The following PDZRN3 variants were observed in gnomAD, a reference collection of about 807,000 sequenced individuals.
PDZRN3 encodes PDZ domain containing ring finger 3.
In PDZRN3, 38 loss-of-function variants were observed where a neutral mutation model predicts 85.7. The observed-to-expected ratio is 0.44, with a 90% CI of 0.34 to 0.58. The LOEUF is 0.58. Ranked by LOEUF, PDZRN3 falls within the 20% of genes least tolerant of loss-of-function variation. The pLI is 0.01. For synonymous variants in PDZRN3, 759 were observed against 638.0 expected (o/e 1.19, Z -2.86); for missense variants, 1,629 against 1,506.4 (o/e 1.08, Z -1.35).
At position 73,527,583 on chromosome 3, in the gene PDZRN3, A is replaced by G. The variant is rs185663299; in HGVS notation, c.918+74771T>C. ...GCTATTTCCAATTCCTAAATCTAGG[A>G]CATGAAAAAAAAAATCATACATTCT... On this transcript the variant is annotated intron_variant, in intron 3 of 9. Transcript: ENST00000263666. 5.5e-4 allele frequency among the ~76,000 whole-genome samples: 83 copies of G among 151,824 alleles called. No homozygotes were observed. In the East Asian group the frequency reaches 0.014, roughly 26 times the overall value.
At chr3:73,440,520 C>T (rs377722431) in intron 3 of PDZRN3, among the ~76,000 whole-genome samples, 13 of 152,160 alleles carry the variant, frequency 8.5e-5, no homozygotes, top group East Asian at 5.8e-4. Flanking sequence ...GCCTCACGGA[C>T]GCCCCGTGAG....
Position 73,624,219 on chromosome 3 carries a change from C to T in PDZRN3, c.607G>A (p.Ala203Thr). The T allele has an allele frequency of 6.7e-7, 1 of 1,486,550 alleles. No individual in the cohort carries two copies. Among genetic ancestry groups the T allele is most frequent in the Non-Finnish European group, 8.9e-7 (1 of 1,125,004 alleles). The allele number at this position is 1,486,550 out of a possible 1,614,324, so 92.1% of individuals were successfully genotyped here. A position where few individuals can be genotyped will look rare whatever the true frequency, so the allele number is the denominator to read the frequency against. Reference protein sequence around the residue: ...KREKSLVAQLAAAQLELQMTA... With the variant: ...KREKSLVAQLTAAQLELQMTA... ...ATCTGCAGCTCAAGCTGCGCCGCGGCCAGCTGGGCCACCAGCGACTTCTCG... is the reference window on the plus strand; with the variant it reads ...ATCTGCAGCTCAAGCTGCGCCGCGGTCAGCTGGGCCACCAGCGACTTCTCG... The change falls in exon 1 of 10, where the codon GCC (alanine) becomes ACC (threonine). Residue 203 changes from alanine (A) to threonine (T), a missense_variant. Transcript: ENST00000263666.
At chr3:73,562,361 T>C (rs1167821201) in intron 3 of PDZRN3, among the ~76,000 whole-genome samples, 1 of 152,198 alleles carries the variant, frequency 6.6e-6, no homozygotes, top group Non-Finnish European at 1.5e-5. Context: ...ATGGGCATGA[T>C]ATGCCTCTCT....
chr3:73,408,314 G>A (rs1701895463), intron 3 of PDZRN3: 1 of 660,610 alleles, frequency 1.5e-6, no homozygotes, highest in African/African-American at 1.8e-5. Context: ...GTTTAGATGA[G>A]ATAACTTACT....
Position 73,624,925 on chromosome 3 carries a change from C to T in PDZRN3, c.-100G>A, listed in dbSNP as rs578177563. ...GCCGGCTACGCCGCCCGCGCGCTCG[C>T]TGGCTCTCCCCGGACTGAGCCTAAT... is the stretch of plus-strand genomic sequence containing the variant. On this transcript the variant is annotated 5_prime_UTR_variant, in exon 1 of 10. Transcript: ENST00000263666. The T allele has an allele frequency of 4.2e-4, 393 of 927,068 alleles. No individual in the cohort carries two copies. The highest frequency in any genetic ancestry group is 2.8e-4 in the Non-Finnish European group (197 of 708,330). 57.4% of individuals were successfully genotyped at this position (927,068 alleles called of 1,614,324 possible).
intron 3 of PDZRN3, among the ~76,000 whole-genome samples, chr3:73,514,388 C>T (rs1428263326): frequency 6.6e-6 from 1 of 152,090 alleles, no homozygotes. Context: ...ACAGTTCTAT[C>T]AAGATTTTGG....
chr3:73,462,534 C>A (rs1188123061), intron 3 of PDZRN3, among the ~76,000 whole-genome samples: 1 of 118,086 alleles, frequency 8.5e-6, no homozygotes, highest in African/African-American at 2.9e-5. Context: ...ACAGGTGAGA[C>A]TCCGTCTCAA....
At chr3:73,463,357 G>GGA (rs1703146739) in intron 3 of PDZRN3, among the ~76,000 whole-genome samples, 1 of 152,208 alleles carries the variant, frequency 6.6e-6, no homozygotes, top group Admixed American at 6.5e-5. Flanking sequence ...TGAGATGACT[G>GGA]GAGACACTAG....
intron 3 of PDZRN3, among the ~76,000 whole-genome samples, chr3:73,438,463 C>T (rs960910278): frequency 3.3e-5 from 5 of 152,226 alleles, no homozygotes; most frequent in Non-Finnish European, 7.3e-5. Context: ...ACAGGTCTCA[C>T]CATGCTATGA....
intron 3 of PDZRN3, among the ~76,000 whole-genome samples, chr3:73,557,570 T>C (rs753356214): frequency 6.6e-6 from 1 of 152,204 alleles, no homozygotes; most frequent in Admixed American, 6.5e-5. Flanking sequence ...CTAACGGCCG[T>C]AAATAACAGA....
At chr3:73,434,909 T>G (rs1702502619) in intron 3 of PDZRN3, among the ~76,000 whole-genome samples, 1 of 152,212 alleles carries the variant, frequency 6.6e-6, no homozygotes, top group African/African-American at 2.4e-5. Flanking sequence ...TCTAAAAACT[T>G]TGTTTTTAAA....
chr3:73,473,628 T>G (rs564058344), intron 3 of PDZRN3, among the ~76,000 whole-genome samples: 1 of 152,318 alleles, frequency 6.6e-6, no homozygotes, highest in South Asian at 2.1e-4. Context: ...AAATTCAATC[T>G]TCACTATAAT....
intron 3 of PDZRN3, among the ~76,000 whole-genome samples, chr3:73,575,249 T>C (rs766331335): frequency 1.3e-5 from 2 of 152,118 alleles, no homozygotes; most frequent in Non-Finnish European, 2.9e-5. Context: ...AGTATGTGTG[T>C]TTTTTGCAGT....
At chr3:73,562,864 A>C (rs571287812) in intron 3 of PDZRN3, among the ~76,000 whole-genome samples, 1 of 151,342 alleles carries the variant, frequency 6.6e-6, no homozygotes, top group Admixed American at 6.6e-5. Flanking sequence ...ATCTCCTTTA[A>C]GTGATACTGT....
intron 3 of PDZRN3, among the ~76,000 whole-genome samples, chr3:73,489,863 C>T (rs542428557): frequency 1.3e-5 from 2 of 152,158 alleles, no homozygotes; most frequent in South Asian, 2.1e-4. Flanking sequence ...TGAGCCACCA[C>T]GCCCGGCCGG....
chr3:73,530,365 C>T (rs534777357), intron 3 of PDZRN3, among the ~76,000 whole-genome samples: 18 of 152,290 alleles, frequency 1.2e-4, no homozygotes, highest in Admixed American at 8.5e-4. Context: ...TGTACTGGCT[C>T]CCTACAAAAT....
chr3:73,436,822 C>T (rs1283410883), intron 3 of PDZRN3, among the ~76,000 whole-genome samples: 4 of 151,752 alleles, frequency 2.6e-5, no homozygotes, highest in South Asian at 2.1e-4. Context: ...CTGAGGTGGG[C>T]GGATCATGAG....
intron 3 of PDZRN3, among the ~76,000 whole-genome samples, chr3:73,436,941 G>C (rs980446205): frequency 1.3e-5 from 2 of 151,734 alleles, no homozygotes; most frequent in Admixed American, 6.6e-5. Flanking sequence ...AGGTACTTGG[G>C]AGGCTGAGGC....
At chr3:73,385,335 G>A (rs1701350448) in intron 9 of PDZRN3, among the ~76,000 whole-genome samples, 4 of 152,350 alleles carry the variant, frequency 2.6e-5, no homozygotes, top group Middle Eastern at 3.4e-3. Context: ...GCTCCAAGCA[G>A]CTCCTGTTAA....
Sources: gnomAD v4.1 joint callset for allele counts (sites outside exome capture counted in the v4.1 genomes callset) on GRCh38, gnomAD v4.1.1 for gene constraint, MANE v1.5 for transcripts, NCBI Gene and HGNC (gene_info 2026-07-23, HGNC 2026-07-21) for gene names.